REXO1: variants seen among roughly 807,000 people sequenced by gnomAD.
The protein encoded by REXO1 is RNA exonuclease 1 homolog.
In REXO1, 42 loss-of-function variants were observed where a neutral mutation model predicts 102.6. That is an observed-to-expected ratio of 0.41 (90% CI 0.32 to 0.53). REXO1 has a LOEUF of 0.53. Among genes scored for constraint, REXO1 ranks in the 20% least tolerant of loss-of-function variants. The probability of loss-of-function intolerance (pLI) is 0.27; values close to 1 mark genes in which losing one functional copy is unlikely to be tolerated. For synonymous variants in REXO1, 908 were observed against 779.1 expected (o/e 1.17, Z -2.76); for missense variants, 1,819 against 1,732.5 (o/e 1.05, Z -0.89).
At chr19:1,837,518 G>A (rs535160436) in intron 1 of REXO1, among the ~76,000 whole-genome samples, 10 of 152,292 alleles carry the variant, frequency 6.6e-5, no homozygotes, top group South Asian at 4.1e-4. Flanking sequence ...AGCCAGTGCC[G>A]GGGGCCTGGA....
intron 5 of REXO1, among the ~76,000 whole-genome samples, chr19:1,821,205 C>T (rs10421329): frequency 1.6e-3 from 237 of 151,180 alleles, no homozygotes; most frequent in African/African-American, 5.2e-3. Flanking sequence ...AACAGCCAGG[C>T]GTGGTGGCGG....
chr19:1,839,362 C>T (rs374636491), intron 1 of REXO1, among the ~76,000 whole-genome samples: 19 of 152,336 alleles, frequency 1.2e-4, no homozygotes, highest in African/African-American at 4.3e-4. Flanking sequence ...CTGTGCTCCC[C>T]GTCAGGCACA....
Position 1,821,773 on chromosome 19 carries a change from G to A in REXO1, c.2231-91C>T, listed in dbSNP as rs773705932. Reference sequence around the variant, plus strand: ...AGGCAGCCGCGGCCGCTCAGCGCCAGCAGCACGTGCATCTCCGCGTGCAGG... The same window carrying A: ...AGGCAGCCGCGGCCGCTCAGCGCCAACAGCACGTGCATCTCCGCGTGCAGG... On this transcript the variant is annotated intron_variant, in intron 4 of 15. Transcript: ENST00000170168. 3.4e-6 allele frequency: 4 copies of A among 1,187,956 alleles called. No homozygotes were observed. The East Asian group carries it at 1.0e-4, about 30-fold the overall frequency. 73.6% of individuals were successfully genotyped at this position (1,187,956 alleles called of 1,614,324 possible).
At chr19:1,821,741 G>A (rs757308717) in intron 4 of REXO1, 59 bp from the exon 5 acceptor site, 10 of 1,517,062 alleles carry the variant, frequency 6.6e-6, no homozygotes, top group South Asian at 5.8e-5. Context: ...CCACGTGGCG[G>A]AGCACCAGGC....
At chr19:1,841,099 A>G (rs765406815) in intron 1 of REXO1, among the ~76,000 whole-genome samples, 7 of 152,242 alleles carry the variant, frequency 4.6e-5, no homozygotes, top group Non-Finnish European at 1.0e-4. Flanking sequence ...CGGCTCCTCC[A>G]AGGGTCCCAG....
In REXO1 at chr19:1,816,506, G is replaced by T; in HGVS notation, c.3381C>A (p.Ala1127=). 6.2e-7 allele frequency: 1 copy of T among 1,612,410 alleles called. No individual in the cohort carries two copies. The highest frequency in any genetic ancestry group is 8.5e-7 in the Non-Finnish European group (1 of 1,179,666). ...CAGCGCTGAACATGCTCAGCAGAAC[G>T]GCCTGGACGTCACGCAGCGTGACAC... ...DTSVTLRDVQ[A]VLLSMFSADT... is the part of the protein sequence containing the mutation. The change falls in exon 14 of 16, where the codon GCC becomes GCA. Residue 1127 remains alanine, a synonymous_variant. Coordinates refer to ENST00000170168, the MANE Select transcript of REXO1 (RefSeq NM_020695.4).
chr19:1,816,866 T>TCC (rs1232013262), intron 12 of REXO1, 53 bp from the exon 13 acceptor site: 23 of 1,319,728 alleles, frequency 1.7e-5, no homozygotes, highest in Non-Finnish European at 2.3e-5. Flanking sequence ...CCTCCCTCCC[T>TCC]CCCCTTCCCT....
chr19:1,827,935 C>G lies in REXO1; in HGVS notation c.854G>C (p.Arg285Thr), dbSNP rs755879034. ...LCDPFGSCDARFSDSEDEAAT... is the reference protein window; with the variant it reads ...LCDPFGSCDATFSDSEDEAAT... ...GGCCTCATCTTCTGAGTCTGAGAAC[C>G]TTGCATCGCAACTGCCAAAGGGGTC... Residue 285 changes from arginine (R) to threonine (T), a missense_variant, in exon 2 of 16, where the codon AGG (arginine) becomes ACG (threonine). Arg to Thr is a moderately conservative substitution (Grantham distance 71). Transcript: ENST00000170168. 7 of 1,613,768 alleles carry G rather than the reference C, an allele frequency of 4.3e-6. No individual in the cohort carries two copies. The highest frequency in any genetic ancestry group is 5.9e-6 in the Non-Finnish European group (7 of 1,179,884).
intron 1 of REXO1, among the ~76,000 whole-genome samples, chr19:1,829,289 A>G (rs2069840446): frequency 6.6e-6 from 1 of 151,742 alleles, no homozygotes; most frequent in African/African-American, 2.4e-5. Context: ...CCCAAGCTGG[A>G]GTATAGTGGT....
At chr19:1,845,097 G>T (rs1248995355) in intron 1 of REXO1, among the ~76,000 whole-genome samples, 2 of 152,170 alleles carry the variant, frequency 1.3e-5, no homozygotes, top group East Asian at 3.9e-4. Flanking sequence ...TGGGTTCTGA[G>T]GTCAGATGGG....
Position 1,848,459 on chromosome 19 carries a change from G to T in REXO1, c.-101C>A. On this transcript the variant is annotated 5_prime_UTR_variant, in exon 1 of 16. Coordinates refer to ENST00000170168, the MANE Select transcript of REXO1 (RefSeq NM_020695.4). ...CCGCCCGCGCCTCACGGACCCCGCCGCCGCCATCTTGCTCCGAGGCCCCCG... is the reference window on the plus strand; with the variant it reads ...CCGCCCGCGCCTCACGGACCCCGCCTCCGCCATCTTGCTCCGAGGCCCCCG... 1.1e-6 allele frequency: 1 copy of T among 909,364 alleles called. No homozygotes were observed. The highest frequency in any genetic ancestry group is 1.3e-6 in the Non-Finnish European group (1 of 742,368). The allele number at this position is 909,364 out of a possible 1,614,324, so 56.3% of individuals were successfully genotyped here.
chr19:1,817,792 A>G lies in REXO1; in HGVS notation c.3017-12T>C. 1 of 1,609,800 alleles carries G rather than the reference A, an allele frequency of 6.2e-7. No individual in the cohort carries two copies. The highest frequency in any genetic ancestry group is 8.5e-7 in the Non-Finnish European group (1 of 1,178,268). On this transcript the variant is annotated splice_polypyrimidine_tract_variant and intron_variant, in intron 10 of 15. Transcript: ENST00000170168. Reference sequence around the variant, plus strand: ...CCAGCCTCCGGCCACTGCAGGGGACACAGACACACAGTCAGGGCCCGGCCA... The same window carrying G: ...CCAGCCTCCGGCCACTGCAGGGGACGCAGACACACAGTCAGGGCCCGGCCA...
At chr19:1,824,024 G>A in intron 3 of REXO1, 1 of 390,944 alleles carries the variant, frequency 2.6e-6, no homozygotes, top group Non-Finnish European at 4.5e-6. Context: ...TATGTCCTCA[G>A]CCCTGATAAG....
intron 4 of REXO1, chr19:1,822,862 G>C (rs1463293364): frequency 6.6e-6 from 1 of 152,286 alleles, no homozygotes; most frequent in African/African-American, 2.4e-5. Flanking sequence ...AGGCTGCTCA[G>C]GGTGGTCCTC....
chr19:1,819,984 G>C lies in REXO1; in HGVS notation c.2600C>G (p.Thr867Ser), dbSNP rs2069483353. Reference sequence around the variant, plus strand: ...GGCCAGGCCCCTGAGCTTCTTGAGGGTGTTCACGGCCACATTCAGGTAGAT... The same window carrying C: ...GGCCAGGCCCCTGAGCTTCTTGAGGCTGTTCACGGCCACATTCAGGTAGAT... ...KNIYLNVAVN[T>S]LKKLRGLAPS... Residue 867 changes from threonine (T) to serine (S), a missense_variant, in exon 7 of 16, where the codon ACC becomes AGC. Thr to Ser is a moderately conservative substitution (Grantham distance 58, BLOSUM62 1). Coordinates refer to ENST00000170168, the MANE Select transcript of REXO1 (RefSeq NM_020695.4). 1 of 1,596,770 alleles carries C rather than the reference G, an allele frequency of 6.3e-7. No homozygotes were observed. Among genetic ancestry groups the C allele is most frequent in the Non-Finnish European group, 8.5e-7 (1 of 1,174,698 alleles).
Position 1,846,430 on chromosome 19 carries a change from T to C in REXO1, c.157+1772A>G, listed in dbSNP as rs543388105. On this transcript the variant is annotated intron_variant, in intron 1 of 15. Transcript: ENST00000170168. ...ACCAGAGATGGGAAAAGGAGTTCAT[T>C]CTCACCAGCAAAAGGGAAATGCAGA... 4.4e-4 allele frequency among the ~76,000 whole-genome samples: 67 copies of C among 152,188 alleles called. 1 individual carries two copies. In the South Asian group the frequency reaches 0.012, roughly 26 times the overall value.
In REXO1 at chr19:1,826,939, A is replaced by G; in HGVS notation, c.1850T>C (p.Leu617Pro). 1 of 1,583,336 alleles carries G rather than the reference A, an allele frequency of 6.3e-7. No homozygotes were observed. Among genetic ancestry groups the G allele is most frequent in the Non-Finnish European group, 8.6e-7 (1 of 1,165,702 alleles). ...DFDSDPMEECLRIFNESTSVK... is the reference protein window; with the variant it reads ...DFDSDPMEECPRIFNESTSVK... ...GCTGGTGGACTCGTTGAAGATCCGC[A>G]GGCACTCCTCCATGGGGTCGGAGTC... is the stretch of plus-strand genomic sequence containing the variant. Residue 617 changes from leucine (L) to proline (P), a missense_variant, in exon 2 of 16, where the codon CTG becomes CCG. Transcript: ENST00000170168. This position sits in a 1 kb window ranked among gnomAD's most constrained non-coding sequence, Gnocchi z 4.3.
intron 1 of REXO1, among the ~76,000 whole-genome samples, chr19:1,842,618 G>A (rs950400705): frequency 1.3e-5 from 2 of 152,236 alleles, no homozygotes; most frequent in Non-Finnish European, 2.9e-5. Context: ...GTCAGGTGAG[G>A]ACCTCAGAAC....
chr19:1,815,579 G>T lies in REXO1; in HGVS notation c.*487C>A. 1 of 805,572 alleles carries T rather than the reference G, an allele frequency of 1.2e-6. No homozygotes were observed. The highest frequency in any genetic ancestry group is 1.6e-6 in the Non-Finnish European group (1 of 609,886). The allele number at this position is 805,572 out of a possible 1,614,324, so 49.9% of individuals were successfully genotyped here. A position where few individuals can be genotyped will look rare whatever the true frequency, so the allele number is the denominator to read the frequency against. On this transcript the variant is annotated 3_prime_UTR_variant, in exon 16 of 16. Transcript: ENST00000170168. The surrounding 1 kb of genome is among the most constrained non-coding windows in gnomAD (Gnocchi z 4.0). ...CCCACCCCCACCCCGCAGGAGGGAA[G>T]GCAGCAGGCCCGCTCTTCCCGGTGG...
Sources: gnomAD v4.1 joint callset for allele counts (sites outside exome capture counted in the v4.1 genomes callset) on GRCh38, gnomAD v4.1.1 for gene constraint, Gnocchi (gnomAD v3.1) non-coding constraint, MANE v1.5 for transcripts, NCBI Gene and HGNC (gene_info 2026-07-23, HGNC 2026-07-21) for gene names.